RNF4: variants seen among roughly 807,000 people sequenced by gnomAD.
The protein encoded by RNF4 is E3 ubiquitin-protein ligase RNF4.
A neutral mutation model predicts 24.3 loss-of-function variants in RNF4; 7 were observed. The observed-to-expected ratio is 0.29, with a 90% CI of 0.16 to 0.54. The LOEUF (loss-of-function observed/expected upper bound fraction) is 0.54, where lower values mean the gene tolerates loss of function less well. RNF4 is among the 20% of genes least tolerant of loss of function. The pLI, the probability that RNF4 is intolerant of heterozygous loss-of-function variation, is 0.95. For missense variants in RNF4, 209 were observed against 248.5 expected, an observed-to-expected ratio of 0.84 and a Z score of 1.07; for synonymous variants, 83 against 84.3, an observed-to-expected ratio of 0.98 and a Z score of 0.09.
At chr4:2,471,507 A>G (rs573145439) in intron 1 of RNF4, among the ~76,000 whole-genome samples, 1 of 152,332 alleles carries the variant, frequency 6.6e-6, no homozygotes, top group African/African-American at 2.4e-5. Context: ...AGTCAGTTGA[A>G]TCTCTCTTAC....
intron 4 of RNF4, chr4:2,505,090 G>A (rs1349368677): frequency 2.6e-5 from 4 of 151,858 alleles, no homozygotes; most frequent in African/African-American, 7.3e-5. Context: ...ATCATAAATA[G>A]GACTTTTCAC....
At chr4:2,485,538 C>T (rs1222569715) in intron 1 of RNF4, among the ~76,000 whole-genome samples, 3 of 152,154 alleles carry the variant, frequency 2.0e-5, no homozygotes, top group Non-Finnish European at 2.9e-5. Flanking sequence ...TCCCTTCCCT[C>T]ATTGGGTTTT....
chr4:2,513,536 C>T, intron 7 of RNF4, 134 bp from the exon 8 acceptor site: 1 of 1,016,396 alleles, frequency 9.8e-7, no homozygotes, highest in Middle Eastern at 3.2e-4. Context: ...CTCTCCAGAC[C>T]CCTCCCTGTT....
chr4:2,476,863 C>G (rs1455702035), intron 1 of RNF4, among the ~76,000 whole-genome samples: 1 of 151,370 alleles, frequency 6.6e-6, no homozygotes, highest in African/African-American at 2.4e-5. Context: ...CTCACTTCAA[C>G]CTCCACCTCC....
chr4:2,490,324 C>A lies in RNF4; in HGVS notation c.-157-13C>A. 3.3e-6 allele frequency: 2 copies of A among 612,682 alleles called. No homozygotes were observed. Among genetic ancestry groups the A allele is most frequent in the Non-Finnish European group, 5.7e-6 (2 of 349,830 alleles). The allele number at this position is 612,682 out of a possible 1,614,324, so 38.0% of individuals were successfully genotyped here. A position where few individuals can be genotyped will look rare whatever the true frequency, so the allele number is the denominator to read the frequency against. ...GTGGCAGTATTTATCAAATTAATAT[C>A]TTTGTTTTTCAGGACTTGAAAATAC... is the stretch of plus-strand genomic sequence containing the variant. On this transcript the variant is annotated splice_polypyrimidine_tract_variant and intron_variant, in intron 1 of 7. Transcript: ENST00000314289.
intron 2 of RNF4, among the ~76,000 whole-genome samples, chr4:2,493,592 A>T (rs1384238135): frequency 6.6e-6 from 1 of 151,710 alleles, no homozygotes; most frequent in Non-Finnish European, 1.5e-5. Flanking sequence ...AAATACAAAA[A>T]AATTAGCTAA....
At chr4:2,472,896 C>T (rs985384053) in intron 1 of RNF4, among the ~76,000 whole-genome samples, 28 of 151,632 alleles carry the variant, frequency 1.8e-4, no homozygotes, top group African/African-American at 6.5e-4. Flanking sequence ...AAAAATTAGC[C>T]GGTCTTGGCA....
At chr4:2,510,653 T>G (rs1227482481) in intron 4 of RNF4, among the ~76,000 whole-genome samples, 1 of 152,218 alleles carries the variant, frequency 6.6e-6, no homozygotes, top group Non-Finnish European at 1.5e-5. Flanking sequence ...GGATTAGAGC[T>G]TCTTGTCACT....
At chr4:2,477,624 T>G (rs1315088222) in intron 1 of RNF4, among the ~76,000 whole-genome samples, 2 of 152,112 alleles carry the variant, frequency 1.3e-5, no homozygotes, top group Admixed American at 6.6e-5. Flanking sequence ...AGGGGGAGTT[T>G]CCCTACACAA....
chr4:2,487,955 T>G (rs1450980108), intron 1 of RNF4, among the ~76,000 whole-genome samples: 1 of 152,196 alleles, frequency 6.6e-6, no homozygotes, highest in South Asian at 2.1e-4. Context: ...GCGGTCCCTT[T>G]GGGCATCTCC....
intron 1 of RNF4, among the ~76,000 whole-genome samples, chr4:2,487,451 A>G (rs1735445951): frequency 1.3e-5 from 2 of 151,910 alleles, no homozygotes; most frequent in African/African-American, 4.8e-5. Flanking sequence ...ACACCCGGCT[A>G]ATTTTTATAT....
intron 1 of RNF4, among the ~76,000 whole-genome samples, chr4:2,478,861 G>C (rs571053281): frequency 6.6e-6 from 1 of 152,312 alleles, no homozygotes; most frequent in South Asian, 2.1e-4. Flanking sequence ...TGTGGGAAGA[G>C]GGCCACTGTC....
At chr4:2,487,567 TGA>T (rs1422721537) in intron 1 of RNF4, among the ~76,000 whole-genome samples, 1 of 152,216 alleles carries the variant, frequency 6.6e-6, no homozygotes, top group African/African-American at 2.4e-5. Context: ...ATTACAGGCA[TGA>T]GCCACTGCCC....
At chr4:2,471,142 T>C (rs1734893856) in intron 1 of RNF4, 1 of 152,136 alleles carries the variant, frequency 6.6e-6, no homozygotes, top group Non-Finnish European at 1.5e-5. Context: ...AATTTTTGTA[T>C]TTTTAGTGGA....
Position 2,484,075 on chromosome 4 carries a change from C to CCCCCCT in RNF4, c.-157-6262_-157-6261insCCCCCT, listed in dbSNP as rs1553877531. The stretch of plus-strand genomic sequence containing the variant: ...CTCCTGGCCTCAGGTGATCCCCCCC[C>CCCCCCT]GCCTCGGCCTCCCAAAGTGCTGGGA... On this transcript the variant is annotated intron_variant, in intron 1 of 7. Transcript: ENST00000314289. Among the ~76,000 whole-genome samples, 6 of 57,062 alleles carry CCCCCCT rather than the reference C, an allele frequency of 1.1e-4. 2 individuals carry two copies. Among genetic ancestry groups the CCCCCCT allele is most frequent in the African/African-American group, 3.6e-4 (6 of 16,728 alleles). 37.4% of individuals were successfully genotyped at this position (57,062 alleles called of 152,430 possible). A position where few individuals can be genotyped will look rare whatever the true frequency, so the allele number is the denominator to read the frequency against.
At chr4:2,484,313 TCAGCTGACTC>T (rs1560402899) in intron 1 of RNF4, among the ~76,000 whole-genome samples, 1 of 151,842 alleles carries the variant, frequency 6.6e-6, no homozygotes. Flanking sequence ...CTGCCCCTTT[TCAGCTGACTC>T]TTTGCTCATA....
chr4:2,481,531 A>G (rs578203398), intron 1 of RNF4, among the ~76,000 whole-genome samples: 2 of 152,076 alleles, frequency 1.3e-5, no homozygotes, highest in African/African-American at 2.4e-5. Flanking sequence ...AATACTTGCA[A>G]TATTCTTGGA....
At chr4:2,501,729 G>C (rs530762084) in intron 4 of RNF4, among the ~76,000 whole-genome samples, 1 of 152,296 alleles carries the variant, frequency 6.6e-6, no homozygotes, top group African/African-American at 2.4e-5. Flanking sequence ...TGCTGAGGAG[G>C]ACTGTGGGGT....
intron 4 of RNF4, among the ~76,000 whole-genome samples, chr4:2,504,042 C>A (rs1735993826): frequency 6.6e-6 from 1 of 152,128 alleles, no homozygotes; most frequent in Admixed American, 6.6e-5. Context: ...CATAGTGAGA[C>A]CCTGTCTTCT....
Sources: gnomAD v4.1 joint callset for allele counts (sites outside exome capture counted in the v4.1 genomes callset) on GRCh38, gnomAD v4.1.1 for gene constraint, MANE v1.5 for transcripts, NCBI Gene and HGNC (gene_info 2026-07-23, HGNC 2026-07-21) for gene names.